Variants in KIAA1217 observed in about 807,000 individuals in gnomAD.
The protein encoded by KIAA1217 is KIAA1217, also known as sickle tail protein homolog.
Under a neutral mutation model 163.9 loss-of-function variants are expected in KIAA1217, and 88 were observed. The ratio of observed to expected loss-of-function variants is 0.54; its 90% CI spans 0.45 to 0.64. The LOEUF (loss-of-function observed/expected upper bound fraction) is 0.64. Among genes scored for constraint, KIAA1217 ranks in the 30% least tolerant of loss-of-function variants. The pLI is 0.00. For missense variants in KIAA1217, 2,372 were observed against 2,475.0 expected (o/e 0.96, Z 0.88); for synonymous variants, 903 against 923.1 (o/e 0.98, Z 0.39).
intron 1 of KIAA1217, among the ~76,000 whole-genome samples, chr10:23,844,785 A>G (rs1838942609): frequency 6.6e-6 from 1 of 151,812 alleles, no homozygotes; most frequent in South Asian, 2.1e-4. Context: ...ACATGAGCAG[A>G]ATGTGCAGTT....
chr10:24,022,559 T>C (rs991629817), intron 2 of KIAA1217, among the ~76,000 whole-genome samples: 6 of 151,802 alleles, frequency 4.0e-5, no homozygotes, highest in Non-Finnish European at 8.9e-5. Context: ...GGCAATTCCT[T>C]ACCAAGTTAA....
chr10:24,444,228 T>C (rs1591991962), intron 5 of KIAA1217, among the ~76,000 whole-genome samples: 1 of 152,306 alleles, frequency 6.6e-6, no homozygotes, highest in East Asian at 1.9e-4. Flanking sequence ...ACCAGGCTGG[T>C]CTCGAACTCC....
chr10:24,057,080 CA>C (rs530272653), intron 2 of KIAA1217, among the ~76,000 whole-genome samples: 22 of 144,342 alleles, frequency 1.5e-4, no homozygotes, highest in East Asian at 4.0e-4. Flanking sequence ...CCCATCTCTA[CA>C]AAAAAAAAAA....
At chr10:23,872,135 C>G (rs1479341736) in intron 1 of KIAA1217, among the ~76,000 whole-genome samples, 1 of 151,956 alleles carries the variant, frequency 6.6e-6, no homozygotes, top group Non-Finnish European at 1.5e-5. Context: ...TATTTGTGGT[C>G]AGAAATTGTT....
intron 1 of KIAA1217, among the ~76,000 whole-genome samples, chr10:23,907,571 C>G (rs1379664155): frequency 2.0e-5 from 3 of 151,982 alleles, no homozygotes; most frequent in African/African-American, 4.8e-5. Context: ...GTGCTGATGT[C>G]CCAGGGCAGG....
intron 2 of KIAA1217, among the ~76,000 whole-genome samples, chr10:24,274,202 G>A (rs2077042272): frequency 6.6e-6 from 1 of 152,174 alleles, no homozygotes; most frequent in Admixed American, 6.5e-5. Flanking sequence ...AGAGTTGGTA[G>A]TAAGAAAATA....
chr10:24,039,136 A>AT (rs1848519936), intron 2 of KIAA1217, among the ~76,000 whole-genome samples: 1 of 151,796 alleles, frequency 6.6e-6, no homozygotes, highest in Non-Finnish European at 1.5e-5. Flanking sequence ...AGATATGCCA[A>AT]TTTTTTTTAG....
In KIAA1217 at chr10:23,945,058, CAAA is replaced by C. The variant is rs527334106; in HGVS notation, c.-320-62152_-320-62150del. On this transcript the variant is annotated intron_variant, in intron 1 of 18. Coordinates refer to the KIAA1217 transcript ENST00000376462. ...TGGGCAACAGAACAAGACTCTATCTCAAAAAAAAAAAAAAAAAGGGTTTTAACA... is the reference window on the plus strand; with the variant it reads ...TGGGCAACAGAACAAGACTCTATCTCAAAAAAAAAAAAAAGGGTTTTAACA... 1.8e-4 allele frequency among the ~76,000 whole-genome samples: 19 copies of C among 103,970 alleles called. No individual in the cohort carries two copies. In the South Asian group the frequency reaches 2.7e-3, roughly 15 times the overall value. 68.2% of individuals were successfully genotyped at this position (103,970 alleles called of 152,430 possible).
At chr10:23,817,089 C>A (rs558511724) in intron 1 of KIAA1217, among the ~76,000 whole-genome samples, 1 of 152,256 alleles carries the variant, frequency 6.6e-6, no homozygotes, top group South Asian at 2.1e-4. Flanking sequence ...GCAAAAAAGG[C>A]AAAGTGCTAG....
intron 14 of KIAA1217, among the ~76,000 whole-genome samples, chr10:24,528,320 T>G (rs865949605): frequency 2.7e-4 from 38 of 142,576 alleles, no homozygotes; most frequent in Non-Finnish European, 4.0e-4. Flanking sequence ...TTTTTTTTTT[T>G]TGTTTTTTTT....
intron 2 of KIAA1217, among the ~76,000 whole-genome samples, chr10:24,162,616 C>G (rs2065169855): frequency 2.0e-5 from 3 of 152,224 alleles, no homozygotes. Flanking sequence ...TATTAGTTAT[C>G]TGTTCTGCAC....
chr10:24,223,849 C>T (rs1419122801), intron 2 of KIAA1217, among the ~76,000 whole-genome samples: 3 of 148,740 alleles, frequency 2.0e-5, no homozygotes, highest in African/African-American at 7.5e-5. Flanking sequence ...CCACCCACCC[C>T]GCCCACCCCC....
At chr10:23,993,553 C>CTGTTTTTTTTTTTTTT (rs1554836824) in intron 1 of KIAA1217, among the ~76,000 whole-genome samples, 2 of 68,956 alleles carry the variant, frequency 2.9e-5, no homozygotes, top group Admixed American at 1.8e-4. Context: ...CATAGCCCAG[C>CTGTTTTTTTTTTTTTT]TTTTTTTTTT....
chr10:24,543,495 G>A lies in KIAA1217; in HGVS notation c.4225G>A (p.Glu1409Lys). ...EVHDIVSQKG[E>K]DIQTVNIDAR... ...GCATGATATTGTTAGCCAAAAGGGAGAAGACATACAGACGGTTAATATCGA... is the reference window on the plus strand; with the variant it reads ...GCATGATATTGTTAGCCAAAAGGGAAAAGACATACAGACGGTTAATATCGA... The change falls in exon 19 of 21, where the codon GAA becomes AAA. Residue 1409 changes from glutamate (E) to lysine (K), a missense_variant. Around this residue, in one of 3 missense-constraint regions of KIAA1217, gnomAD observed 690 missense variants for 677.5 expected, o/e 1.02. Transcript: ENST00000376454. The A allele has an allele frequency of 6.2e-7, 1 of 1,614,132 alleles. No homozygotes were observed. Among genetic ancestry groups the A allele is most frequent in the Non-Finnish European group, 8.5e-7 (1 of 1,180,024 alleles).
At chr10:24,033,361 C>A (rs556040763) in intron 2 of KIAA1217, among the ~76,000 whole-genome samples, 35 of 152,210 alleles carry the variant, frequency 2.3e-4, no homozygotes, top group Admixed American at 7.2e-4. Context: ...ATTCAGTTAT[C>A]CAAGCACTCA....
intron 5 of KIAA1217, among the ~76,000 whole-genome samples, chr10:24,453,214 A>C (rs2061517228): frequency 6.6e-6 from 1 of 152,162 alleles, no homozygotes. Flanking sequence ...ACCCCTCTGG[A>C]TCTTATGAGG....
At chr10:23,969,176 A>G (rs1049351575) in intron 1 of KIAA1217, among the ~76,000 whole-genome samples, 1 of 152,150 alleles carries the variant, frequency 6.6e-6, no homozygotes, top group African/African-American at 2.4e-5. Flanking sequence ...CTGGGATTAC[A>G]GGCACGCGCC....
intron 1 of KIAA1217, among the ~76,000 whole-genome samples, chr10:23,840,976 G>A (rs183113860): frequency 5.3e-5 from 8 of 152,232 alleles, no homozygotes; most frequent in East Asian, 3.9e-4. Context: ...TCTAGCTACC[G>A]GCCCTTGGGC....
At chr10:23,694,864 C>T (rs1835925279) in exon 1 of KIAA1217, 1 of 152,692 alleles carries the variant, frequency 6.5e-6, no homozygotes, top group Non-Finnish European at 1.5e-5. Flanking sequence ...GGGGGAGCCT[C>T]GAGAGCCTCC....
Sources: gnomAD v4.1 joint callset for allele counts (sites outside exome capture counted in the v4.1 genomes callset) on GRCh38, gnomAD v4.1.1 for gene constraint, gnomAD v4.1.1 regional missense constraint, MANE v1.5 for transcripts, NCBI Gene and HGNC (gene_info 2026-07-23, HGNC 2026-07-21) for gene names.